The following ADRA1A variants were observed in gnomAD, a reference collection of about 807,000 sequenced individuals.
The protein encoded by ADRA1A is alpha-1A adrenergic receptor.
Under a neutral mutation model 29.6 loss-of-function variants are expected in ADRA1A, and 31 were observed. The observed-to-expected ratio is 1.05, with a 90% CI of 0.79 to 1.41. The LOEUF (loss-of-function observed/expected upper bound fraction) is 1.41, where lower values mean the gene tolerates loss of function less well. ADRA1A is among the 40% of genes most tolerant of loss of function. The pLI is 0.00. For missense variants in ADRA1A, 619 were observed against 601.1 expected (o/e 1.03, Z -0.31); for synonymous variants, 311 against 254.3 (o/e 1.22, Z -2.12).
intron 2 of ADRA1A, among the ~76,000 whole-genome samples, chr8:26,863,627 G>A (rs950590916): frequency 2.6e-5 from 4 of 152,032 alleles, no homozygotes; most frequent in African/African-American, 9.7e-5. Context: ...ATAACCTAAT[G>A]CAATAATAAA....
chr8:26,842,566 G>C (rs1811897885), intron 2 of ADRA1A, among the ~76,000 whole-genome samples: 1 of 152,042 alleles, frequency 6.6e-6, no homozygotes, highest in Non-Finnish European at 1.5e-5. Flanking sequence ...CCCCTGAGCA[G>C]GTCCTCATTC....
Position 26,769,497 on chromosome 8 carries a change from C to T in ADRA1A, c.*652G>A, listed in dbSNP as rs1439483325. Reference sequence around the variant, plus strand: ...GGATAGAGAACACTACATTCCAAGACATCATGAGTGCCCCTCACTCTCATC... The same window carrying T: ...GGATAGAGAACACTACATTCCAAGATATCATGAGTGCCCCTCACTCTCATC... On this transcript the variant is annotated 3_prime_UTR_variant, in exon 3 of 3. Transcript: ENST00000380573. 2.0e-6 allele frequency: 2 copies of T among 985,436 alleles called. No homozygotes were observed. Among genetic ancestry groups the T allele is most frequent in the East Asian group, 1.1e-4 (1 of 8,810 alleles). The allele number at this position is 985,436 out of a possible 1,614,324, so 61.0% of individuals were successfully genotyped here. A position where few individuals can be genotyped will look rare whatever the true frequency, so the allele number is the denominator to read the frequency against.
chr8:26,763,132 G>A (rs1050797685), downstream of ADRA1A, among the ~76,000 whole-genome samples: 3 of 152,096 alleles, frequency 2.0e-5, no homozygotes, highest in Non-Finnish European at 4.4e-5. This position sits in a 1 kb window ranked among gnomAD's most constrained non-coding sequence, Gnocchi z 4.5. Context: ...CTGTCATTTG[G>A]AAATGCCCCT....
chr8:26,817,650 T>C (rs1364562957), intron 2 of ADRA1A, among the ~76,000 whole-genome samples: 1 of 152,144 alleles, frequency 6.6e-6, no homozygotes, highest in Non-Finnish European at 1.5e-5. Flanking sequence ...TGGTGGCAGA[T>C]GCCTGTAGAC....
chr8:26,757,754 A>G (rs1266154362), intron 2 of ADRA1A, among the ~76,000 whole-genome samples: 2 of 152,080 alleles, frequency 1.3e-5, no homozygotes, highest in African/African-American at 2.4e-5. Context: ...TTCATCCCAT[A>G]TTTCCTTAGA....
chr8:26,826,081 G>T (rs1371666058), intron 2 of ADRA1A, among the ~76,000 whole-genome samples: 1 of 152,216 alleles, frequency 6.6e-6, no homozygotes, highest in Non-Finnish European at 1.5e-5. Flanking sequence ...AGCTGAGCTA[G>T]TACTTCCTGC....
intron 2 of ADRA1A, among the ~76,000 whole-genome samples, chr8:26,834,233 C>A (rs535248192): frequency 1.5e-3 from 226 of 152,284 alleles, no homozygotes; most frequent in African/African-American, 5.0e-3. Context: ...GATGAACTGA[C>A]TTGAAAGAAG....
rs61760513 is a variant in ADRA1A, at chr8:26,770,090, G to A, written c.*59C>T. 31 of 1,512,966 alleles carry A rather than the reference G, an allele frequency of 2.0e-5. No individual in the cohort carries two copies. Among genetic ancestry groups the A allele is most frequent in the Admixed American group, 1.8e-4 (8 of 44,272 alleles). 93.7% of individuals were successfully genotyped at this position (1,512,966 alleles called of 1,614,324 possible). A position where few individuals can be genotyped will look rare whatever the true frequency, so the allele number is the denominator to read the frequency against. On this transcript the variant is annotated 3_prime_UTR_variant, in exon 3 of 3. Transcript: ENST00000380573. ...GTCCTCCAAGAAGAGCTGGCCTTCC[G>A]AGAAGGAAGTGGGGTGGGTACCTAA...
chr8:26,785,823 G>T (rs1029076672), intron 2 of ADRA1A, among the ~76,000 whole-genome samples: 11 of 152,058 alleles, frequency 7.2e-5, no homozygotes, highest in Non-Finnish European at 1.0e-4. Flanking sequence ...ATTATATTTG[G>T]TATTCACTCA....
chr8:26,770,021 C>G lies in ADRA1A; in HGVS notation c.*128G>C. 6.8e-7 allele frequency: 1 copy of G among 1,474,790 alleles called. No individual in the cohort carries two copies. The highest frequency in any genetic ancestry group is 2.3e-5 in the East Asian group (1 of 43,578). 91.4% of individuals were successfully genotyped at this position (1,474,790 alleles called of 1,614,324 possible). A position where few individuals can be genotyped will look rare whatever the true frequency, so the allele number is the denominator to read the frequency against. On this transcript the variant is annotated 3_prime_UTR_variant, in exon 3 of 3. Transcript: ENST00000380573. ...CTGCCTGATGAGTTGGGTCTACCACCCACCCCATTCCCAGCAGGTCCCCTC... is the reference window on the plus strand; with the variant it reads ...CTGCCTGATGAGTTGGGTCTACCACGCACCCCATTCCCAGCAGGTCCCCTC...
intron 2 of ADRA1A, among the ~76,000 whole-genome samples, chr8:26,861,665 G>T (rs1813476911): frequency 6.6e-6 from 1 of 152,030 alleles, no homozygotes; most frequent in Admixed American, 6.6e-5. Flanking sequence ...CAAAAGAAAG[G>T]CTCATACTTC....
chr8:26,839,456 C>G lies in ADRA1A; in HGVS notation c.883+24631G>C, dbSNP rs533821828. 2.0e-5 allele frequency among the ~76,000 whole-genome samples: 3 copies of G among 152,252 alleles called. No individual in the cohort carries two copies. The East Asian group carries it at 5.8e-4, about 29-fold the overall frequency. ...TACAGGCGTGAGCCACCATGCCCGG[C>G]CTGAAGAAGTTTTTTGACTTCCTAA... is the stretch of plus-strand genomic sequence containing the variant. On this transcript the variant is annotated intron_variant, in intron 2 of 2. Coordinates refer to ENST00000380573, the MANE Select transcript of ADRA1A (RefSeq NM_000680.4).
intron 2 of ADRA1A, chr8:26,859,107 C>A: frequency 7.8e-7 from 1 of 1,289,694 alleles, no homozygotes; most frequent in African/African-American, 1.5e-5. Context: ...TCATCCCTGC[C>A]CTGGTTTCAG....
At position 26,787,050 on chromosome 8, in the gene ADRA1A, T is replaced by C. The variant is rs1424139035; in HGVS notation, c.884-16384A>G. Among the ~76,000 whole-genome samples, 1 of 152,192 alleles carries C rather than the reference T, an allele frequency of 6.6e-6. No individual in the cohort carries two copies. Among genetic ancestry groups the C allele is most frequent in the Non-Finnish European group, 1.5e-5 (1 of 68,030 alleles). On this transcript the variant is annotated intron_variant, in intron 2 of 2. Coordinates refer to ENST00000380573, the MANE Select transcript of ADRA1A (RefSeq NM_000680.4). This position sits in a 1 kb window ranked among gnomAD's most constrained non-coding sequence, Gnocchi z 4.2. ...TGTATTACCAACCTCATCTTACAGA[T>C]GAGGAAACTGAGGCTTAAGGAGTTT...
In ADRA1A at chr8:26,843,302, GACA is replaced by G. The variant is rs1811963187; in HGVS notation, c.883+20782_883+20784del. Among the ~76,000 whole-genome samples, 11 of 152,322 alleles carry G rather than the reference GACA, an allele frequency of 7.2e-5. No homozygotes were observed. In the South Asian group the frequency reaches 2.3e-3, roughly 32 times the overall value. On this transcript the variant is annotated intron_variant, in intron 2 of 2. Transcript: ENST00000380573. ...CAAGTGCAGGATAAGAACTGGATGT[GACA>G]ACATCTGAGAGCTCAGTGAACATTA...
rs1308953791 is a variant in ADRA1A at position 26,866,713 on chromosome 8, A to C, written c.-687+223T>G. 6.6e-6 allele frequency among the ~76,000 whole-genome samples: 1 copy of C among 151,718 alleles called. No homozygotes were observed. The highest frequency in any genetic ancestry group is 1.5e-5 in the Non-Finnish European group (1 of 67,910). ...CCACTGCAGAAACCCTTTTCCTCCTACCTCGAGGGTGATAAACACAGGGTT... is the reference window on the plus strand; with the variant it reads ...CCACTGCAGAAACCCTTTTCCTCCTCCCTCGAGGGTGATAAACACAGGGTT... On this transcript the variant is annotated intron_variant, in intron 1 of 2. Transcript: ENST00000380573. The surrounding 1 kb of genome is among the most constrained non-coding windows in gnomAD (Gnocchi z 5.7).
intron 2 of ADRA1A, among the ~76,000 whole-genome samples, chr8:26,843,844 C>T (rs1042814168): frequency 2.0e-5 from 3 of 152,146 alleles, no homozygotes; most frequent in South Asian, 2.1e-4. Flanking sequence ...AATTCACAAA[C>T]GGACCACAAT....
intron 2 of ADRA1A, among the ~76,000 whole-genome samples, chr8:26,820,449 A>C (rs1015667582): frequency 2.0e-4 from 30 of 152,224 alleles, no homozygotes; most frequent in African/African-American, 7.2e-4. Context: ...AAAAGTGTAC[A>C]TCTAAATCTC....
intron 2 of ADRA1A, among the ~76,000 whole-genome samples, chr8:26,801,499 A>G (rs1397306917): frequency 6.6e-6 from 1 of 152,204 alleles, no homozygotes; most frequent in Non-Finnish European, 1.5e-5. Flanking sequence ...ATATTTAAAA[A>G]GTAATTCTAT....
Sources: gnomAD v4.1 joint callset for allele counts (sites outside exome capture counted in the v4.1 genomes callset) on GRCh38, gnomAD v4.1.1 for gene constraint, Gnocchi (gnomAD v3.1) non-coding constraint, MANE v1.5 for transcripts, NCBI Gene and HGNC (gene_info 2026-07-23, HGNC 2026-07-21) for gene names.